Variants in CEP128 observed in about 807,000 individuals in gnomAD.
CEP128 encodes centrosomal protein 128.
In CEP128, 132 loss-of-function variants were observed where a neutral mutation model predicts 156.7. That is an observed-to-expected ratio of 0.84 (90% CI 0.73 to 0.97). CEP128 has a LOEUF of 0.97. Among genes scored for constraint, CEP128 ranks in the 50% least tolerant of loss-of-function variants. The pLI is 0.00. For synonymous variants in CEP128, 469 were observed against 448.9 expected, an observed-to-expected ratio of 1.04 and a Z score of -0.57; for missense variants, 1,252 against 1,281.9, an observed-to-expected ratio of 0.98 and a Z score of 0.36.
chr14:80,627,250 C>G (rs969853932), intron 19 of CEP128, among the ~76,000 whole-genome samples: 1 of 152,262 alleles, frequency 6.6e-6, no homozygotes, highest in South Asian at 2.1e-4. Flanking sequence ...ATGGTGAGGA[C>G]AATTATTGCA....
intron 19 of CEP128, among the ~76,000 whole-genome samples, chr14:80,637,039 T>A (rs1894211990): frequency 6.6e-6 from 1 of 150,570 alleles, no homozygotes; most frequent in African/African-American, 2.4e-5. Flanking sequence ...TGAGCCAAGA[T>A]CGGGCCATTG....
At chr14:80,911,957 G>A (rs1468901296) in intron 4 of CEP128, among the ~76,000 whole-genome samples, 2 of 152,148 alleles carry the variant, frequency 1.3e-5, no homozygotes, top group South Asian at 2.1e-4. Context: ...GGTGGCTCGT[G>A]CCTGTAATCC....
chr14:80,843,812 A>G (rs900755167), intron 9 of CEP128, among the ~76,000 whole-genome samples: 3 of 152,046 alleles, frequency 2.0e-5, no homozygotes, highest in Admixed American at 6.6e-5. Flanking sequence ...TGTATAAAAC[A>G]CTATCATGGA....
At chr14:80,824,845 G>T (rs557403847) in intron 13 of CEP128, among the ~76,000 whole-genome samples, 1 of 152,238 alleles carries the variant, frequency 6.6e-6, no homozygotes, top group Non-Finnish European at 1.5e-5. Flanking sequence ...ACATTTTTGT[G>T]TATCTATAGC....
At position 80,788,288 on chromosome 14, in the gene CEP128, C is replaced by CTTTTTT. The variant is rs10628361; in HGVS notation, c.1561-2749_1561-2744dup. 5.6e-4 allele frequency among the ~76,000 whole-genome samples: 54 copies of CTTTTTT among 97,242 alleles called. 2 individuals carry two copies. Among genetic ancestry groups the CTTTTTT allele is most frequent in the African/African-American group, 9.5e-4 (24 of 25,326 alleles). The allele number at this position is 97,242 out of a possible 152,430, so 63.8% of individuals were successfully genotyped here. A position where few individuals can be genotyped will look rare whatever the true frequency, so the allele number is the denominator to read the frequency against. ...TGGGTTCTCTTTGTCTGGCCAGGAT[C>CTTTTTT]TTTTTTTTTTTTTTTTTTTTTTCTG... is the stretch of plus-strand genomic sequence containing the variant. On this transcript the variant is annotated intron_variant, in intron 14 of 24. Coordinates refer to ENST00000555265, the MANE Select transcript of CEP128 (RefSeq NM_152446.5).
chr14:80,666,300 G>A (rs986075149), intron 19 of CEP128, among the ~76,000 whole-genome samples: 1 of 152,214 alleles, frequency 6.6e-6, no homozygotes, highest in Non-Finnish European at 1.5e-5. Context: ...TAGCCTATGG[G>A]CCAGGACAAA....
chr14:80,951,833 G>C (rs1293820144), intron 2 of CEP128, among the ~76,000 whole-genome samples: 1 of 151,914 alleles, frequency 6.6e-6, no homozygotes, highest in East Asian at 1.9e-4. Context: ...CTGATCAAAA[G>C]AAAGATGGAT....
chr14:80,484,741 T>C (rs913071618), intron 14 of CEP128, among the ~76,000 whole-genome samples: 5 of 152,218 alleles, frequency 3.3e-5, no homozygotes, highest in African/African-American at 1.2e-4. Flanking sequence ...CTTATTCTCC[T>C]TTAGATTCCT....
At chr14:80,547,761 C>A (rs1241190793) in intron 21 of CEP128, among the ~76,000 whole-genome samples, 1 of 151,710 alleles carries the variant, frequency 6.6e-6, no homozygotes, top group Non-Finnish European at 1.5e-5. Context: ...ATTTTTAATT[C>A]CTCCTATATT....
intron 20 of CEP128, among the ~76,000 whole-genome samples, chr14:80,562,161 C>T (rs1272327138): frequency 6.6e-6 from 1 of 151,868 alleles, no homozygotes; most frequent in African/African-American, 2.4e-5. Flanking sequence ...CTCCTGACCT[C>T]GTGATCCACC....
rs376832432 is a variant in CEP128 at position 80,777,953 on chromosome 14, T to C, written c.2305A>G (p.Thr769Ala). 2 of 1,612,996 alleles carry C rather than the reference T, an allele frequency of 1.2e-6. No individual in the cohort carries two copies. Among genetic ancestry groups the C allele is most frequent in the Non-Finnish European group, 1.7e-6 (2 of 1,179,258 alleles). Residue 769 changes from threonine (T) to alanine (A), a missense_variant, in exon 16 of 25, where the codon ACC becomes GCC. Transcript: ENST00000555265. ...SQCDRLTEEL[T>A]QNENENKKLK... Reference sequence around the variant, plus strand: ...TTTTTGTTCTCATTTTCATTCTGGGTTAATTCCTCTGTCAGTCTGTCACAC... The same window carrying C: ...TTTTTGTTCTCATTTTCATTCTGGGCTAATTCCTCTGTCAGTCTGTCACAC...
intron 9 of CEP128, among the ~76,000 whole-genome samples, chr14:80,860,729 G>A (rs1887473904): frequency 6.6e-6 from 1 of 151,900 alleles, no homozygotes; most frequent in Non-Finnish European, 1.5e-5. Flanking sequence ...GAAATGGAAG[G>A]AAATGGAATT....
intron 1 of CEP128, among the ~76,000 whole-genome samples, 194 bp downstream of exon 1, chr14:80,941,387 G>C (rs1004235881): frequency 6.6e-6 from 1 of 152,152 alleles, no homozygotes; most frequent in African/African-American, 2.4e-5. Flanking sequence ...CCTGCCGAGG[G>C]AGGGAGGCCT....
rs142342986 is a variant in CEP128, at chr14:80,922,906, T to C, written c.-15-6344A>G. On this transcript the variant is annotated intron_variant, in intron 2 of 24. Transcript: ENST00000555265. ...AAGCTGAGAAAGGTATTTCTTTCAA[T>C]TGGAGAAAAAGCAGTGAACACTCTT... is the stretch of plus-strand genomic sequence containing the variant. Among the ~76,000 whole-genome samples, 492 of 152,324 alleles carry C rather than the reference T, an allele frequency of 3.2e-3. 4 individuals carry two copies. Among genetic ancestry groups the C allele is most frequent in the African/African-American group, 0.011 (476 of 41,568 alleles).
At chr14:80,711,511 G>A (rs1364682937) in intron 19 of CEP128, among the ~76,000 whole-genome samples, 2 of 152,072 alleles carry the variant, frequency 1.3e-5, no homozygotes, top group Admixed American at 1.3e-4. Flanking sequence ...GTAAATAGCA[G>A]TGAGAACTCA....
At chr14:80,910,565 C>A (rs548217081) in intron 4 of CEP128, among the ~76,000 whole-genome samples, 1 of 152,240 alleles carries the variant, frequency 6.6e-6, no homozygotes, top group South Asian at 2.1e-4. Context: ...TTCCTGAGTC[C>A]TCCTAGAAGC....
chr14:80,737,819 G>A (rs1409670569), intron 19 of CEP128, among the ~76,000 whole-genome samples: 1 of 152,084 alleles, frequency 6.6e-6, no homozygotes, highest in African/African-American at 2.4e-5. Flanking sequence ...GAGCCTGAGG[G>A]GTCAAGGCCG....
intron 2 of CEP128, among the ~76,000 whole-genome samples, chr14:80,918,868 G>A (rs1884701888): frequency 6.6e-6 from 1 of 152,110 alleles, no homozygotes. Flanking sequence ...AAAAAGCCCT[G>A]AAACAAATCA....
intron 19 of CEP128, among the ~76,000 whole-genome samples, chr14:80,674,790 A>G (rs1176468198): frequency 2.6e-5 from 4 of 152,128 alleles, no homozygotes; most frequent in South Asian, 2.1e-4. Context: ...GAAGACATTA[A>G]GGTAAAACAG....
Sources: gnomAD v4.1 joint callset for allele counts (sites outside exome capture counted in the v4.1 genomes callset) on GRCh38, gnomAD v4.1.1 for gene constraint, MANE v1.5 for transcripts, NCBI Gene and HGNC (gene_info 2026-07-23, HGNC 2026-07-21) for gene names.